CHRM3: variants seen among roughly 807,000 people sequenced by gnomAD.
The protein encoded by CHRM3 is cholinergic receptor muscarinic 3.
In CHRM3, 11 loss-of-function variants were observed where a neutral mutation model predicts 41.8. The ratio of observed to expected loss-of-function variants is 0.26; its 90% confidence interval spans 0.17 to 0.44. The LOEUF (loss-of-function observed/expected upper bound fraction) is 0.44, where lower values mean the gene tolerates loss of function less well. Ranked by LOEUF, CHRM3 falls within the 20% of genes least tolerant of loss-of-function variation. CHRM3 has a pLI of 1.00. For synonymous variants in CHRM3, 297 were observed against 301.4 expected (o/e 0.99, Z 0.15); for missense variants, 571 against 745.4 (o/e 0.77, Z 2.72).
At chr1:239,640,732 A>C (rs1164814688) in intron 4 of CHRM3, among the ~76,000 whole-genome samples, 2 of 150,436 alleles carry the variant, frequency 1.3e-5, no homozygotes, top group East Asian at 3.9e-4. Context: ...GGATTCATTA[A>C]TTTTTTGAAG....
intron 5 of CHRM3, among the ~76,000 whole-genome samples, chr1:239,811,998 TC>T (rs1369990034): frequency 5.3e-5 from 8 of 152,244 alleles, no homozygotes; most frequent in African/African-American, 1.9e-4. Flanking sequence ...ATGAGTTTAT[TC>T]ATTTGTTTAA....
At chr1:239,888,656 CATTGCATCAATTCTGATGCA>C (rs1221946493) in intron 6 of CHRM3, among the ~76,000 whole-genome samples, 1 of 151,442 alleles carries the variant, frequency 6.6e-6, no homozygotes, top group Admixed American at 6.6e-5. Context: ...GATCATGTAG[CATTGCATCAATTCTGATGCA>C]ATTGCCCGAT....
chr1:239,804,670 G>C (rs775510186), intron 5 of CHRM3, among the ~76,000 whole-genome samples: 2 of 152,172 alleles, frequency 1.3e-5, no homozygotes, highest in African/African-American at 4.8e-5. Flanking sequence ...CATGGGGCAC[G>C]TGCAAGTTCA....
intron 1 of CHRM3, among the ~76,000 whole-genome samples, chr1:239,480,390 T>C (rs1666754575): frequency 6.6e-6 from 1 of 152,158 alleles, no homozygotes; most frequent in African/African-American, 2.4e-5. Flanking sequence ...AATGGTGTAC[T>C]GTGAGATTCA....
At chr1:239,772,353 G>A (rs894932402) in intron 5 of CHRM3, among the ~76,000 whole-genome samples, 2 of 152,120 alleles carry the variant, frequency 1.3e-5, no homozygotes, top group South Asian at 4.1e-4. Context: ...GTTTCACCAT[G>A]TTGCCCAGGC....
At chr1:239,655,229 C>T (rs908571465) in intron 4 of CHRM3, among the ~76,000 whole-genome samples, 6 of 152,310 alleles carry the variant, frequency 3.9e-5, no homozygotes, top group African/African-American at 1.4e-4. Flanking sequence ...AGTAAGGTCT[C>T]CCAGACCCCA....
At chr1:239,743,788 CTTTTTTTTTTTTTTTTT>C (rs10718514) in intron 5 of CHRM3, among the ~76,000 whole-genome samples, 2 of 81,202 alleles carry the variant, frequency 2.5e-5, no homozygotes, top group African/African-American at 1.0e-4. Context: ...TTTTTTTTTT[CTTTTTTTTTTTTTTTTT>C]TTTTTGAGGC....
intron 1 of CHRM3, among the ~76,000 whole-genome samples, chr1:239,425,110 C>T (rs559791870): frequency 6.6e-6 from 1 of 152,130 alleles, no homozygotes; most frequent in South Asian, 2.1e-4. Flanking sequence ...CAGTGGTTCA[C>T]ACAAAAAATG....
At chr1:239,846,189 T>C (rs1445186433) in intron 6 of CHRM3, among the ~76,000 whole-genome samples, 1 of 152,192 alleles carries the variant, frequency 6.6e-6, no homozygotes, top group African/African-American at 2.4e-5. Context: ...GTGAATTTTC[T>C]TTCCGACATA....
intron 5 of CHRM3, among the ~76,000 whole-genome samples, chr1:239,813,054 C>T (rs187660478): frequency 2.0e-4 from 30 of 152,268 alleles, no homozygotes; most frequent in African/African-American, 3.9e-4. Flanking sequence ...CCAAGGCAGG[C>T]AGATCACAAG....
chr1:239,439,468 T>C (rs1270180596), intron 1 of CHRM3, among the ~76,000 whole-genome samples: 5 of 152,116 alleles, frequency 3.3e-5, no homozygotes, highest in Non-Finnish European at 4.4e-5. Context: ...GGACTGCTAG[T>C]GGACAATACC....
At chr1:239,620,839 G>T (rs897880705) in intron 3 of CHRM3, among the ~76,000 whole-genome samples, 3 of 152,134 alleles carry the variant, frequency 2.0e-5, no homozygotes, top group East Asian at 3.9e-4. Flanking sequence ...GCATTGATGA[G>T]AAATATATAG....
At chr1:239,707,798 C>T (rs1661339621) in intron 5 of CHRM3, 1 of 152,258 alleles carries the variant, frequency 6.6e-6, no homozygotes, top group East Asian at 1.9e-4. Context: ...CTTCACTTAT[C>T]CTACTTTATC....
intron 2 of CHRM3, among the ~76,000 whole-genome samples, chr1:239,496,083 C>G (rs1667858990): frequency 6.6e-6 from 1 of 152,084 alleles, no homozygotes; most frequent in African/African-American, 2.4e-5. Flanking sequence ...ATTGGTTTAT[C>G]TAAAATAATA....
At chr1:239,846,746 C>T (rs976586286) in intron 6 of CHRM3, among the ~76,000 whole-genome samples, 2 of 152,154 alleles carry the variant, frequency 1.3e-5, no homozygotes, top group Admixed American at 1.3e-4. Context: ...TGAAACCAAA[C>T]ATTTTCCTTT....
intron 5 of CHRM3, among the ~76,000 whole-genome samples, chr1:239,814,999 C>A (rs2149006544): frequency 6.6e-6 from 1 of 152,258 alleles, no homozygotes. Flanking sequence ...TGGTCTGGAA[C>A]TCCTGACTGC....
chr1:239,580,950 G>C (rs1469058027), intron 3 of CHRM3, among the ~76,000 whole-genome samples: 1 of 151,774 alleles, frequency 6.6e-6, no homozygotes, highest in Non-Finnish European at 1.5e-5. Flanking sequence ...AATGAATGCA[G>C]TTTGGGTCCT....
intron 1 of CHRM3, among the ~76,000 whole-genome samples, chr1:239,404,728 AT>A (rs11297801): frequency 0.038 from 4,885 of 130,156 alleles, 343 homozygotes; most frequent in African/African-American, 0.12. Context: ...AAATATATAT[AT>A]ATATATATAT....
At chr1:239,723,081 C>T (rs1663122486) in intron 5 of CHRM3, among the ~76,000 whole-genome samples, 1 of 151,834 alleles carries the variant, frequency 6.6e-6, no homozygotes, top group Non-Finnish European at 1.5e-5. Context: ...TCTCATTTCA[C>T]CTCTGTAAGG....
Sources: allele counts gnomAD v4.1 joint callset (sites outside exome capture counted in the v4.1 genomes callset), GRCh38; gene constraint gnomAD v4.1.1; transcripts MANE v1.5; gene names NCBI Gene and HGNC (gene_info 2026-07-23, HGNC 2026-07-21).